The following DDX6 variants were observed in gnomAD, a reference collection of about 807,000 sequenced individuals.
DDX6 encodes DEAD-box helicase 6.
A neutral mutation model predicts 60.6 loss-of-function variants in DDX6; 7 were observed. That is an observed-to-expected ratio of 0.12 (90% CI 0.07 to 0.22). The LOEUF is 0.22. Among genes scored for constraint, DDX6 ranks in the 10% least tolerant of loss-of-function variants. The pLI, the probability that DDX6 is intolerant of heterozygous loss-of-function variation, is 1.00. For synonymous variants in DDX6, 207 were observed against 201.0 expected, an observed-to-expected ratio of 1.03 and a Z score of -0.25; for missense variants, 270 against 589.9, an observed-to-expected ratio of 0.46 and a Z score of 5.62.
chr11:118,785,584 A>G (rs1004454204), intron 2 of DDX6, among the ~76,000 whole-genome samples: 13 of 151,930 alleles, frequency 8.6e-5, no homozygotes, highest in African/African-American at 3.1e-4. Context: ...CTGAGTGAAT[A>G]ATGCTTGGAG....
upstream of DDX6, chr11:118,791,318 C>T (rs940257759): frequency 1.3e-5 from 2 of 152,090 alleles, no homozygotes; most frequent in Non-Finnish European, 2.9e-5. Flanking sequence ...GCCTTCCTGG[C>T]CTGGTGGTGA....
chr11:118,775,742 C>T (rs1021175785), intron 4 of DDX6, among the ~76,000 whole-genome samples: 14 of 152,038 alleles, frequency 9.2e-5, no homozygotes, highest in African/African-American at 3.4e-4. Context: ...GAGTTAATTG[C>T]CTATATGCTA....
In DDX6 at chr11:118,780,032, C is replaced by T. The variant is rs577790190; in HGVS notation, c.265-296G>A. Among the ~76,000 whole-genome samples, 6 of 135,024 alleles carry T rather than the reference C, an allele frequency of 4.4e-5. No individual in the cohort carries two copies. The South Asian group carries it at 1.5e-3, about 33-fold the overall frequency. 88.6% of individuals were successfully genotyped at this position (135,024 alleles called of 152,430 possible). On this transcript the variant is annotated intron_variant, in intron 3 of 13. Transcript: ENST00000534980. The stretch of plus-strand genomic sequence containing the variant: ...TTGGGAGGCTGAGGCAGGAGAATCG[C>T]TTGAACCCAGGAGACGGAGGTTGCA...
intron 11 of DDX6, 45 bp downstream of exon 11, chr11:118,756,215 A>C (rs782196571): frequency 1.3e-6 from 2 of 1,555,526 alleles, no homozygotes; most frequent in Admixed American, 3.4e-5. Context: ...GCAAAAAACA[A>C]CTTGGGAGAA....
intron 13 of DDX6, among the ~76,000 whole-genome samples, chr11:118,752,673 C>T (rs926843556): frequency 2.6e-5 from 4 of 152,076 alleles, no homozygotes; most frequent in African/African-American, 9.7e-5. Context: ...AAGATGTTCA[C>T]CTATAACTTG....
chr11:118,783,712 G>C (rs1861977996), intron 2 of DDX6, among the ~76,000 whole-genome samples: 1 of 147,990 alleles, frequency 6.8e-6, no homozygotes. Flanking sequence ...AGAGGCAGGA[G>C]AATGGCTTGA....
intron 1 of DDX6, chr11:118,790,201 T>C (rs1862222525): frequency 6.6e-6 from 1 of 152,088 alleles, no homozygotes; most frequent in African/African-American, 2.4e-5. Context: ...CATTGACTAA[T>C]GACTGGAACC....
In DDX6 at chr11:118,750,765, C is replaced by A. The variant is rs1353292683; in HGVS notation, c.*1340G>T. On this transcript the variant is annotated 3_prime_UTR_variant, in exon 14 of 14. Coordinates refer to ENST00000534980, the MANE Select transcript of DDX6 (RefSeq NM_004397.6). ...TTTAGAAAGGGGGAAGAAGCAAAATCAGAGCTTCTCAAAATAAATGTTGAA... is the reference window on the plus strand; with the variant it reads ...TTTAGAAAGGGGGAAGAAGCAAAATAAGAGCTTCTCAAAATAAATGTTGAA... The A allele has an allele frequency of 2.6e-5, 4 of 152,120 alleles. No individual in the cohort carries two copies. Among genetic ancestry groups the A allele is most frequent in the African/African-American group, 7.2e-5 (3 of 41,426 alleles). The allele number at this position is 152,120 out of a possible 1,614,324, so 9.4% of individuals were successfully genotyped here.
rs1352212897 is a variant in DDX6 at position 118,763,251 on chromosome 11, T to C, written c.702A>G (p.Val234=). ...GRILDLIKKG[V]AKVDHVQMIV... ...TCATCTGGACATGATCAACCTTTGC[T>C]ACTCCTTTCTTAATAAGATCCAGGA... The change falls in exon 7 of 14, where the codon GTA becomes GTG. Residue 234 remains valine, a synonymous_variant. Transcript: ENST00000534980. 2 of 1,612,470 alleles carry C rather than the reference T, an allele frequency of 1.2e-6. No individual in the cohort carries two copies. The highest frequency in any genetic ancestry group is 8.5e-7 in the Non-Finnish European group (1 of 1,179,332).
chr11:118,757,349 TC>T, intron 9 of DDX6, 62 bp from the exon 10 acceptor site: 2 of 891,888 alleles, frequency 2.2e-6, no homozygotes, highest in Non-Finnish European at 3.3e-6. Context: ...GTTTGCCAAA[TC>T]TTGAAAACAC....
At chr11:118,773,003 C>G (rs1431269672) in intron 4 of DDX6, among the ~76,000 whole-genome samples, 1 of 152,212 alleles carries the variant, frequency 6.6e-6, no homozygotes, top group African/African-American at 2.4e-5. Flanking sequence ...AGAGCTATCT[C>G]AATTCTTAGT....
chr11:118,786,430 G>A lies in DDX6; in HGVS notation c.-179C>T. 1 of 459,952 alleles carries A rather than the reference G, an allele frequency of 2.2e-6. No individual in the cohort carries two copies. Among genetic ancestry groups the A allele is most frequent in the Non-Finnish European group, 3.8e-6 (1 of 265,628 alleles). 28.5% of individuals were successfully genotyped at this position (459,952 alleles called of 1,614,324 possible). On this transcript the variant is annotated 5_prime_UTR_variant, in exon 2 of 14. Transcript: ENST00000534980. ...GTAAGTCTCTGAACGGTAAGCAGCAGTAACTTGCTCTCTTGCACGGAATCA... is the reference window on the plus strand; with the variant it reads ...GTAAGTCTCTGAACGGTAAGCAGCAATAACTTGCTCTCTTGCACGGAATCA...
chr11:118,763,151 C>A (rs1565565612), intron 7 of DDX6, 61 bp downstream of exon 7: 5 of 1,109,224 alleles, frequency 4.5e-6, no homozygotes, highest in Non-Finnish European at 6.4e-6. Context: ...CATTCACTGG[C>A]AGTTATAAGC....
upstream of DDX6, chr11:118,791,631 A>T (rs5006102): frequency 0.86 from 130,997 of 152,058 alleles, 56,659 homozygotes; most frequent in East Asian, 1. Flanking sequence ...TGACTTCTCC[A>T]GCTGGCCGGG....
intron 5 of DDX6, among the ~76,000 whole-genome samples, chr11:118,767,309 T>G (rs1031865308): frequency 1.3e-5 from 2 of 152,190 alleles, no homozygotes; most frequent in Admixed American, 6.5e-5. Context: ...GTAAAATACC[T>G]AGGTAGGAAA....
Position 118,755,383 on chromosome 11 carries a change from T to A in DDX6, c.1276+19A>T. On this transcript the variant is annotated intron_variant, in intron 12 of 13. Coordinates refer to ENST00000534980, the MANE Select transcript of DDX6 (RefSeq NM_004397.6). ...CAAAAAAGAACTTCTACCAAGAATATCACCTCTTTTTTCCTCACCTGATCT... is the reference window on the plus strand; with the variant it reads ...CAAAAAAGAACTTCTACCAAGAATAACACCTCTTTTTTCCTCACCTGATCT... 6.7e-7 allele frequency: 1 copy of A among 1,493,132 alleles called. No homozygotes were observed. Among genetic ancestry groups the A allele is most frequent in the Non-Finnish European group, 9.3e-7 (1 of 1,073,464 alleles). 92.5% of individuals were successfully genotyped at this position (1,493,132 alleles called of 1,614,324 possible).
In DDX6 at chr11:118,781,197, C is replaced by T. The variant is rs782694071; in HGVS notation, c.201-13G>A. On this transcript the variant is annotated splice_polypyrimidine_tract_variant and intron_variant, in intron 2 of 13. Coordinates refer to ENST00000534980, the MANE Select transcript of DDX6 (RefSeq NM_004397.6). ...GTCATCACCAGGTCTAGAGAGAATA[C>T]AGTAAACTTGAAGTATCAAAATTCA... The T allele has an allele frequency of 3.8e-6, 6 of 1,563,988 alleles. 1 individual carries two copies. In the South Asian group the frequency reaches 4.6e-5, roughly 12 times the overall value.
intron 8 of DDX6, chr11:118,759,181 T>C: frequency 3.3e-6 from 1 of 299,294 alleles, no homozygotes; most frequent in Non-Finnish European, 6.4e-6. Flanking sequence ...TGCCTCGGCC[T>C]CCCGAGTAGC....
At chr11:118,777,114 CTCA>C (rs1337372474) in intron 4 of DDX6, among the ~76,000 whole-genome samples, 2 of 152,082 alleles carry the variant, frequency 1.3e-5, no homozygotes, top group African/African-American at 4.8e-5. Flanking sequence ...TAGAAAGGTA[CTCA>C]TCATATTACA....
Sources: gnomAD v4.1 joint callset for allele counts (sites outside exome capture counted in the v4.1 genomes callset) on GRCh38, gnomAD v4.1.1 for gene constraint, MANE v1.5 for transcripts, NCBI Gene and HGNC (gene_info 2026-07-23, HGNC 2026-07-21) for gene names.